Variants in NPLOC4 observed in about 807,000 individuals in gnomAD.
NPLOC4 encodes NPL4 homolog, ubiquitin recognition factor.
Under a neutral mutation model 80.6 loss-of-function variants are expected in NPLOC4, and 18 were observed. That is an observed-to-expected ratio of 0.22 (90% CI 0.15 to 0.33). The LOEUF (loss-of-function observed/expected upper bound fraction) is 0.33. Among genes scored for constraint, NPLOC4 ranks in the 10% least tolerant of loss-of-function variants. The probability of loss-of-function intolerance (pLI) is 1.00; values close to 1 mark genes in which losing one functional copy is unlikely to be tolerated. For missense variants in NPLOC4, 540 were observed against 786.1 expected (o/e 0.69, Z 3.74); for synonymous variants, 313 against 301.5 (o/e 1.04, Z -0.39).
At chr17:81,636,177 G>A (rs2036066800) in intron 1 of NPLOC4, among the ~76,000 whole-genome samples, 1 of 151,652 alleles carries the variant, frequency 6.6e-6, no homozygotes, top group African/African-American at 2.4e-5. Context: ...TGCCATGTTG[G>A]CCAGGATGGT....
chr17:81,636,775 C>A, intron 1 of NPLOC4, 141 bp downstream of exon 1: 1 of 913,776 alleles, frequency 1.1e-6, no homozygotes, highest in Non-Finnish European at 1.4e-6. Context: ...AGGGGCCCAG[C>A]CACTACAGAG....
chr17:81,575,386 C>A (rs1049328758), intron 12 of NPLOC4, among the ~76,000 whole-genome samples: 4 of 152,234 alleles, frequency 2.6e-5, no homozygotes, highest in Non-Finnish European at 5.9e-5. Flanking sequence ...CAGGCGTGAG[C>A]CACAGCGCCC....
intron 1 of NPLOC4, among the ~76,000 whole-genome samples, chr17:81,631,663 C>T (rs895111209): frequency 6.6e-6 from 1 of 152,018 alleles, no homozygotes; most frequent in African/African-American, 2.4e-5. Flanking sequence ...CCTGCTCCAA[C>T]CATCCGCGGG....
chr17:81,581,348 CAAAAAAAAAAAAAAAAAA>C (rs1169351301), intron 12 of NPLOC4, among the ~76,000 whole-genome samples: 1 of 8,468 alleles, frequency 1.2e-4, no homozygotes, highest in Non-Finnish European at 2.7e-4. Context: ...GACTCCAACG[CAAAAAAAAAAAAAAAAAA>C]AAAAAAAAAA....
At chr17:81,629,625 T>A in intron 2 of NPLOC4, 100 bp downstream of exon 2, 1 of 909,714 alleles carries the variant, frequency 1.1e-6, no homozygotes, top group Non-Finnish European at 1.8e-6. Context: ...AATTTGGGAA[T>A]AGGGAAAATA....
rs1399671263 is a variant in NPLOC4 at position 81,557,529 on chromosome 17, A to G, written c.*1730T>C. The G allele has an allele frequency of 1.3e-5, 2 of 152,308 alleles. No individual in the cohort carries two copies. The highest frequency in any genetic ancestry group is 1.9e-4 in the East Asian group (1 of 5,204). The allele number at this position is 152,308 out of a possible 1,614,324, so 9.4% of individuals were successfully genotyped here. A position where few individuals can be genotyped will look rare whatever the true frequency, so the allele number is the denominator to read the frequency against. The stretch of plus-strand genomic sequence containing the variant: ...CTCTCTCTAGAAGTCCGTGCTGTCC[A>G]GCCTCTGCCCAGTGGTGGGGGAAGG... On this transcript the variant is annotated 3_prime_UTR_variant, in exon 17 of 17. Transcript: ENST00000331134.
intron 13 of NPLOC4, among the ~76,000 whole-genome samples, chr17:81,571,748 TG>T (rs1192556669): frequency 4.6e-5 from 7 of 152,180 alleles, no homozygotes; most frequent in African/African-American, 1.4e-4. Flanking sequence ...TACTTTAGTA[TG>T]GGGACAGTTA....
intron 3 of NPLOC4, among the ~76,000 whole-genome samples, chr17:81,618,915 T>C (rs1159891061): frequency 2.0e-5 from 3 of 152,138 alleles, no homozygotes; most frequent in Non-Finnish European, 4.4e-5. Context: ...CCCAACCCTG[T>C]GCTCTCTGAA....
chr17:81,595,530 ATATATT>A (rs2034883452), intron 11 of NPLOC4, among the ~76,000 whole-genome samples: 1 of 113,128 alleles, frequency 8.8e-6, no homozygotes, highest in Non-Finnish European at 2.0e-5. Context: ...ACATATATAT[ATATATT>A]TTTTTTTTCT....
Position 81,610,678 on chromosome 17 carries a change from C to T in NPLOC4, c.387-420G>A, listed in dbSNP as rs372834422. Among the ~76,000 whole-genome samples, 2 of 35,268 alleles carry T rather than the reference C, an allele frequency of 5.7e-5. 1 individual carries two copies. Among genetic ancestry groups the T allele is most frequent in the East Asian group, 6.4e-4 (2 of 3,108 alleles). 23.1% of individuals were successfully genotyped at this position (35,268 alleles called of 152,430 possible). On this transcript the variant is annotated intron_variant, in intron 4 of 16. Coordinates refer to ENST00000331134, the MANE Select transcript of NPLOC4 (RefSeq NM_017921.4). ...TTAAAATGACACAAACCAGGCCGGG[C>T]GCGGTGGCTCACGCCTGTAATCCCA...
At chr17:81,618,285 T>A (rs964883735) in intron 3 of NPLOC4, among the ~76,000 whole-genome samples, 1 of 145,968 alleles carries the variant, frequency 6.9e-6, no homozygotes. Context: ...TCGTCTGAGA[T>A]GTGGGGAGCG....
intron 12 of NPLOC4, among the ~76,000 whole-genome samples, chr17:81,586,124 G>A (rs1297712279): frequency 6.6e-6 from 1 of 152,132 alleles, no homozygotes; most frequent in African/African-American, 2.4e-5. Context: ...GGAAGGGGAG[G>A]CAGGGGCCTG....
intron 16 of NPLOC4, chr17:81,563,688 C>G (rs1037613914): frequency 3.4e-6 from 1 of 296,296 alleles, no homozygotes; most frequent in Non-Finnish European, 6.7e-6. Context: ...GGCTGAGGTG[C>G]AAGGAATGCT....
At chr17:81,559,469 G>A (rs568502633) in intron 16 of NPLOC4, 53 bp from the exon 17 acceptor site, 721 of 1,544,378 alleles carry the variant, frequency 4.7e-4, no homozygotes, top group Non-Finnish European at 5.8e-4. Flanking sequence ...ACCAGAGACT[G>A]CCAGAGTGTG....
In NPLOC4 at chr17:81,600,389, T is replaced by C. The variant is rs762701886; in HGVS notation, c.873A>G (p.Pro291=). The C allele has an allele frequency of 4.0e-5, 65 of 1,613,016 alleles. No homozygotes were observed. In the South Asian group the frequency reaches 6.8e-4, roughly 17 times the overall value. ...CAATTTCATCGACCACTTCAGCTTT[T>C]GGATCCTCAAGAAGCTCCAAGCTGT... The part of the protein sequence containing the change: ...TQNSLELLED[P]KAEVVDEIAA... Residue 291 remains proline (P), a synonymous_variant, in exon 9 of 17, where the codon CCA becomes CCG. Transcript: ENST00000331134.
At chr17:81,636,620 G>A (rs1256017399) in intron 1 of NPLOC4, 4 of 308,076 alleles carry the variant, frequency 1.3e-5, no homozygotes, top group East Asian at 5.0e-5. Context: ...GGGTGGGGAA[G>A]GAGGGCGGTT....
chr17:81,561,703 TC>T (rs1161156032), intron 16 of NPLOC4: 1 of 152,064 alleles, frequency 6.6e-6, no homozygotes, highest in African/African-American at 2.4e-5. Context: ...CATTTCAGCC[TC>T]CCCAGAAGCT....
At chr17:81,560,362 G>A (rs1216447358) in intron 16 of NPLOC4, among the ~76,000 whole-genome samples, 8 of 151,810 alleles carry the variant, frequency 5.3e-5, no homozygotes, top group Non-Finnish European at 1.0e-4. Flanking sequence ...GCAGTGAGCC[G>A]AGACCCTGCC....
At chr17:81,607,391 G>C (rs1468753676) in intron 6 of NPLOC4, among the ~76,000 whole-genome samples, 3 of 101,160 alleles carry the variant, frequency 3.0e-5, no homozygotes, top group Admixed American at 1.1e-4. Context: ...AAATATAACT[G>C]ACAAAAAAAA....
Sources: gnomAD v4.1 joint callset for allele counts (sites outside exome capture counted in the v4.1 genomes callset) on GRCh38, gnomAD v4.1.1 for gene constraint, MANE v1.5 for transcripts, NCBI Gene and HGNC (gene_info 2026-07-23, HGNC 2026-07-21) for gene names.